The following CFAP77 variants were observed in gnomAD, a reference collection of about 807,000 sequenced individuals.
The protein encoded by CFAP77 is cilia- and flagella-associated protein 77.
Under a neutral mutation model 31.1 loss-of-function variants are expected in CFAP77, and 25 were observed. The observed-to-expected ratio is 0.80, with a 90% CI of 0.59 to 1.12. The LOEUF (loss-of-function observed/expected upper bound fraction) is 1.12, where lower values mean the gene tolerates loss of function less well. CFAP77 is among the 50% of genes most tolerant of loss of function. The pLI is 0.00. For missense variants in CFAP77, 377 were observed against 397.3 expected (o/e 0.95, Z 0.44); for synonymous variants, 151 against 159.9 (o/e 0.94, Z 0.42).
intron 5 of CFAP77, among the ~76,000 whole-genome samples, chr9:132,559,437 C>T (rs1262822210): frequency 6.8e-6 from 1 of 147,034 alleles, no homozygotes; most frequent in Non-Finnish European, 1.5e-5. Flanking sequence ...TGCTCAACAA[C>T]ATCATGAGCC....
At position 132,517,086 on chromosome 9, in the gene CFAP77, C is replaced by A. The variant is rs1852161998; in HGVS notation, c.524+17486C>A. ...CCGGCAGGTGGAGAGGGTGGATCTC[C>A]CTAGACGGCTCCACTTCTGGGTGTC... On this transcript the variant is annotated intron_variant, in intron 3 of 5. Transcript: ENST00000393216. The surrounding 1 kb of genome is among the most constrained non-coding windows in gnomAD (Gnocchi z 4.7). Among the ~76,000 whole-genome samples the A allele has an allele frequency of 6.6e-6, 1 of 152,044 alleles. No homozygotes were observed.
chr9:132,503,789 CTGT>C (rs1851891745), intron 3 of CFAP77, among the ~76,000 whole-genome samples: 1 of 152,176 alleles, frequency 6.6e-6, no homozygotes, highest in Admixed American at 6.5e-5. Flanking sequence ...TGGCTCACGC[CTGT>C]AATCCCAGCA....
intron 1 of CFAP77, among the ~76,000 whole-genome samples, chr9:132,451,657 C>T (rs1392388345): frequency 1.3e-5 from 2 of 152,124 alleles, no homozygotes; most frequent in East Asian, 3.9e-4. Flanking sequence ...TTCTTGATCC[C>T]CACCACGCCC....
intron 1 of CFAP77, among the ~76,000 whole-genome samples, chr9:132,444,735 A>T (rs76367951): frequency 0.03 from 4,596 of 152,082 alleles, 208 homozygotes; most frequent in African/African-American, 0.1. Context: ...AAAATTTTTT[A>T]AAAAAAATTG....
chr9:132,451,465 A>G (rs1445757846), intron 1 of CFAP77, among the ~76,000 whole-genome samples: 3 of 152,160 alleles, frequency 2.0e-5, no homozygotes, highest in Admixed American at 6.5e-5. Flanking sequence ...ATGACATTCA[A>G]TGATTCATAG....
At chr9:132,472,988 CGCATGGCACCG>C (rs2131737432) in intron 1 of CFAP77, among the ~76,000 whole-genome samples, 1 of 152,184 alleles carries the variant, frequency 6.6e-6, no homozygotes, top group South Asian at 2.1e-4. Context: ...CTGTACAAGA[CGCATGGCACCG>C]GCATCTGCTC....
In CFAP77 at chr9:132,511,018, G is replaced by A. The variant is rs796521482; in HGVS notation, c.524+11418G>A. Among the ~76,000 whole-genome samples the A allele has an allele frequency of 8.5e-5, 13 of 152,234 alleles. No homozygotes were observed. Among genetic ancestry groups the A allele is most frequent in the Non-Finnish European group, 1.6e-4 (11 of 68,006 alleles). On this transcript the variant is annotated intron_variant, in intron 3 of 5. Transcript: ENST00000393216. The surrounding 1 kb of genome is among the most constrained non-coding windows in gnomAD (Gnocchi z 5.8). ...GGATCTGATCTCAGAACCCACATTC[G>A]TTACCTCCGGCCTATGCTGAGAGTT... is the stretch of plus-strand genomic sequence containing the variant.
chr9:132,447,678 C>T (rs895499420), intron 1 of CFAP77, among the ~76,000 whole-genome samples: 1 of 152,374 alleles, frequency 6.6e-6, no homozygotes, highest in Non-Finnish European at 1.5e-5. Context: ...ACACACTAAG[C>T]TGCTGACAGC....
intron 1 of CFAP77, among the ~76,000 whole-genome samples, chr9:132,456,005 G>C (rs534546099): frequency 8.5e-5 from 13 of 152,276 alleles, no homozygotes; most frequent in African/African-American, 3.1e-4. Flanking sequence ...CACATTCCTG[G>C]TGGCACTGCC....
chr9:132,522,456 C>A (rs1472248554), intron 3 of CFAP77, among the ~76,000 whole-genome samples: 1 of 152,188 alleles, frequency 6.6e-6, no homozygotes, highest in African/African-American at 2.4e-5. Context: ...CCATGTGAAC[C>A]CCTCCAGCGC....
At chr9:132,458,379 C>T (rs1162164718) in intron 1 of CFAP77, among the ~76,000 whole-genome samples, 2 of 150,194 alleles carry the variant, frequency 1.3e-5, no homozygotes, top group Non-Finnish European at 2.9e-5. Flanking sequence ...AGGCTCAGCT[C>T]ATCCCCACTT....
In CFAP77 at chr9:132,554,496, C is replaced by T. The variant is rs541583173; in HGVS notation, c.732+11449C>T. ...GACTACAGGTGCACACCACCATGCC[C>T]GGCTAATTTTTTTTATGTTTTGTAG... On this transcript the variant is annotated intron_variant, in intron 5 of 5. Transcript: ENST00000393216. This position sits in a 1 kb window ranked among gnomAD's most constrained non-coding sequence, Gnocchi z 4.1. Among the ~76,000 whole-genome samples the T allele has an allele frequency of 3.9e-5, 6 of 152,062 alleles. No individual in the cohort carries two copies. The East Asian group carries it at 7.7e-4, about 20-fold the overall frequency.
chr9:132,529,335 T>C (rs187851919), intron 3 of CFAP77, among the ~76,000 whole-genome samples: 2,447 of 116,476 alleles, frequency 0.021, 96 homozygotes, highest in Non-Finnish European at 0.033. Flanking sequence ...GGAAGGGGAA[T>C]ATCACACTCT....
At chr9:132,533,402 A>G (rs1350274820) in intron 3 of CFAP77, among the ~76,000 whole-genome samples, 1 of 151,860 alleles carries the variant, frequency 6.6e-6, no homozygotes, top group Non-Finnish European at 1.5e-5. Context: ...TGATTCTCTC[A>G]CAATTCTGGA....
At chr9:132,570,397 A>C (rs1174261529) in intron 5 of CFAP77, among the ~76,000 whole-genome samples, 1 of 152,192 alleles carries the variant, frequency 6.6e-6, no homozygotes, top group Non-Finnish European at 1.5e-5. Context: ...TGGTTGCAAG[A>C]GCCCCAATGC....
At chr9:132,504,738 G>T (rs1055755873) in intron 3 of CFAP77, among the ~76,000 whole-genome samples, 11 of 152,342 alleles carry the variant, frequency 7.2e-5, no homozygotes, top group Admixed American at 7.2e-4. Context: ...GTAAATGGAG[G>T]TTAAATGGCT....
chr9:132,555,814 TCTCCGC>T (rs1290837716), intron 5 of CFAP77, among the ~76,000 whole-genome samples: 1 of 151,966 alleles, frequency 6.6e-6, no homozygotes, highest in Non-Finnish European at 1.5e-5. Context: ...GCAAATGAGA[TCTCCGC>T]GTTGTGAGAT....
intron 3 of CFAP77, among the ~76,000 whole-genome samples, chr9:132,533,931 A>G (rs1342638629): frequency 1.3e-5 from 2 of 152,226 alleles, no homozygotes; most frequent in South Asian, 2.1e-4. Flanking sequence ...ATGCTGGTCT[A>G]GAGGCTTGAT....
chr9:132,446,510 GT>G (rs1459664955), intron 1 of CFAP77, among the ~76,000 whole-genome samples: 1 of 152,084 alleles, frequency 6.6e-6, no homozygotes, highest in Non-Finnish European at 1.5e-5. Flanking sequence ...GGAGGCTGAG[GT>G]GGGTGGATCA....
Sources: gnomAD v4.1 joint callset for allele counts (sites outside exome capture counted in the v4.1 genomes callset) on GRCh38, gnomAD v4.1.1 for gene constraint, Gnocchi (gnomAD v3.1) non-coding constraint, MANE v1.5 for transcripts, NCBI Gene and HGNC (gene_info 2026-07-23, HGNC 2026-07-21) for gene names.